Variants in ASB8 observed in about 807,000 individuals in gnomAD.
ASB8 encodes the protein ankyrin repeat and SOCS box containing 8, also known as ankyrin repeat and SOCS box protein 8.
Under a neutral mutation model 22.9 loss-of-function variants are expected in ASB8, and 15 were observed. That is an observed-to-expected ratio of 0.66 (90% CI 0.44 to 1.01). ASB8 has a LOEUF of 1.01. Among genes scored for constraint, ASB8 ranks in the 50% least tolerant of loss-of-function variants. The pLI is 0.00. For synonymous variants in ASB8, 124 were observed against 140.8 expected (o/e 0.88, Z 0.84); for missense variants, 294 against 356.9 (o/e 0.82, Z 1.42).
At chr12:48,154,581 GA>G (rs1326293752) in intron 1 of ASB8, among the ~76,000 whole-genome samples, 1 of 151,628 alleles carries the variant, frequency 6.6e-6, no homozygotes, top group African/African-American at 2.4e-5. Flanking sequence ...ATAAAACTAG[GA>G]AAAAATTAAA....
rs1951151754 is a variant in ASB8, at chr12:48,149,083, C to T, written c.*283G>A. ...GAGAAATTTAGTTACACTGTTGACT[C>T]CTTCCCTAAAGGGGAGGATTGAGGG... is the stretch of plus-strand genomic sequence containing the variant. On this transcript the variant is annotated 3_prime_UTR_variant, in exon 4 of 4. Transcript: ENST00000317697. 4.5e-6 allele frequency: 2 copies of T among 444,170 alleles called. No homozygotes were observed. Among genetic ancestry groups the T allele is most frequent in the Admixed American group, 8.3e-5 (2 of 24,034 alleles). 27.5% of individuals were successfully genotyped at this position (444,170 alleles called of 1,614,324 possible).
At position 48,149,189 on chromosome 12, in the gene ASB8, TGGG is replaced by T; in HGVS notation, c.*174_*176del. On this transcript the variant is annotated 3_prime_UTR_variant, in exon 4 of 4. Transcript: ENST00000317697. ...AACAAAAGTGAGGGATTTTTTTTGT[TGGG>T]TTGTTTGGTTTGGGAAGGGGAGGTG... is the stretch of plus-strand genomic sequence containing the variant. 7 of 658,584 alleles carry T rather than the reference TGGG, an allele frequency of 1.1e-5. No homozygotes were observed. Among genetic ancestry groups the T allele is most frequent in the Non-Finnish European group, 9.9e-6 (4 of 403,700 alleles). The allele number at this position is 658,584 out of a possible 1,614,324, so 40.8% of individuals were successfully genotyped here.
In ASB8 at chr12:48,148,518, G is replaced by A. The variant is rs1021457761; in HGVS notation, c.*848C>T. On this transcript the variant is annotated 3_prime_UTR_variant, in exon 4 of 4. Coordinates refer to ENST00000317697, the MANE Select transcript of ASB8 (RefSeq NM_024095.5). ...GTCCAGTCCCTTCCAAATGCCCCAGGACATGGCACAGTAGGGATGTCATCC... is the reference window on the plus strand; with the variant it reads ...GTCCAGTCCCTTCCAAATGCCCCAGAACATGGCACAGTAGGGATGTCATCC... 1.3e-5 allele frequency: 2 copies of A among 152,130 alleles called. No homozygotes were observed. Among genetic ancestry groups the A allele is most frequent in the South Asian group, 4.1e-4 (2 of 4,826 alleles). 9.4% of individuals were successfully genotyped at this position (152,130 alleles called of 1,614,324 possible).
chr12:48,149,725 G>C lies in ASB8; in HGVS notation c.508C>G (p.Leu170Val), dbSNP rs375774484. 2 of 1,614,040 alleles carry C rather than the reference G, an allele frequency of 1.2e-6. No homozygotes were observed. The highest frequency in any genetic ancestry group is 2.7e-5 in the African/African-American group (2 of 74,926). The change falls in exon 4 of 4, where the codon CTT becomes GTT. Residue 170 changes from leucine (L) to valine (V), a missense_variant. Coordinates refer to ENST00000317697, the MANE Select transcript of ASB8 (RefSeq NM_024095.5). ...CTGACCTCTGCGCCATAATCCAGAA[G>C]GATGCTGACACTCTCAAGATTTCCC... ...MKGNLESVSI[L>V]LDYGAEVRVI...
At position 48,149,532 on chromosome 12, in the gene ASB8, G is replaced by A. The variant is rs373367269; in HGVS notation, c.701C>T (p.Pro234Leu). 876 of 1,614,124 alleles carry A rather than the reference G, an allele frequency of 5.4e-4. 6 individuals carry two copies. The South Asian group carries it at 8.9e-3, about 16-fold the overall frequency. ...AACAGTCAGTTTTTCACATAGCTGC[G>A]GGTCTCTGGCCACCTCTCGTGGCAT... is the stretch of plus-strand genomic sequence containing the variant. ...GTMPREVARD[P>L]QLCEKLTVLC... Residue 234 changes from proline (P) to leucine (L), a missense_variant, in exon 4 of 4, where the codon CCG (proline) becomes CTG (leucine). Pro to Leu is a moderately conservative substitution (Grantham distance 98). Transcript: ENST00000317697.
chr12:48,152,226 A>G (rs1291227685), intron 2 of ASB8, among the ~76,000 whole-genome samples: 1 of 152,088 alleles, frequency 6.6e-6, no homozygotes, highest in East Asian at 1.9e-4. Context: ...CAGCAGAGCT[A>G]GAATTAGAAT....
Position 48,149,752 on chromosome 12 carries a change from T to C in ASB8, c.481A>G (p.Lys161Glu). The C allele has an allele frequency of 6.2e-7, 1 of 1,614,224 alleles. No individual in the cohort carries two copies. Among genetic ancestry groups the C allele is most frequent in the African/African-American group, 1.3e-5 (1 of 75,038 alleles). The change falls in exon 4 of 4, where the codon AAG becomes GAG. Residue 161 changes from lysine to glutamate, a missense_variant. Coordinates refer to ENST00000317697, the MANE Select transcript of ASB8 (RefSeq NM_024095.5). The part of the protein sequence containing the change: ...NDTPLSWAAM[K>E]GNLESVSILL... ...ATGCTGACACTCTCAAGATTTCCCT[T>C]CATGGCAGCCCAGCTGAGCGGTGTA...
intron 2 of ASB8, chr12:48,151,695 A>T (rs1442368874): frequency 3.3e-6 from 4 of 1,220,372 alleles, no homozygotes; most frequent in Non-Finnish European, 4.4e-6. Context: ...AGTCTGTCAG[A>T]CTGAGGCCAG....
rs556598373 is a variant in ASB8 at position 48,150,632 on chromosome 12, C to T, written c.234+569G>A. On this transcript the variant is annotated intron_variant, in intron 3 of 3. Transcript: ENST00000317697. ...CAGCTGGCTTGCTGACAGTCAGCAT[C>T]ACCTGTAGTTTTTTTCTTCAAATTT... is the stretch of plus-strand genomic sequence containing the variant. 1.1e-4 allele frequency among the ~76,000 whole-genome samples: 17 copies of T among 152,276 alleles called. No homozygotes were observed. The East Asian group carries it at 3.3e-3, about 29-fold the overall frequency.
chr12:48,150,345 C>G (rs939378536), intron 3 of ASB8, among the ~76,000 whole-genome samples: 2 of 152,234 alleles, frequency 1.3e-5, no homozygotes, highest in Admixed American at 6.5e-5. Context: ...GTCCCCGTAA[C>G]TGCTCTGAAA....
chr12:48,150,404 T>TA (rs1951181579), intron 3 of ASB8, among the ~76,000 whole-genome samples: 1 of 152,226 alleles, frequency 6.6e-6, no homozygotes, highest in African/African-American at 2.4e-5. Flanking sequence ...TTATTTTACT[T>TA]ACCCTGACCC....
In ASB8 at chr12:48,149,944, C is replaced by T; in HGVS notation, c.289G>A (p.Asp97Asn). The T allele has an allele frequency of 6.2e-7, 1 of 1,614,146 alleles. No homozygotes were observed. Among genetic ancestry groups the T allele is most frequent in the Non-Finnish European group, 8.5e-7 (1 of 1,179,958 alleles). Reference protein sequence around the residue: ...RTALHYAAEKDEACVEVLLEY... With the variant: ...RTALHYAAEKNEACVEVLLEY... The stretch of plus-strand genomic sequence containing the variant: ...AATAGGACCTCCACACAAGCCTCAT[C>T]TTTCTCTGCTGCATAGTGGAGGGCT... Residue 97 changes from aspartate to asparagine, a missense_variant, in exon 4 of 4, where the codon GAT becomes AAT. Transcript: ENST00000317697.
In ASB8 at chr12:48,153,368, C is replaced by G; in HGVS notation, c.129G>C (p.Gly43=). The change falls in exon 2 of 4, where the codon GGG becomes GGC. Residue 43 remains glycine, a splice_region_variant and synonymous_variant. Coordinates refer to ENST00000317697, the MANE Select transcript of ASB8 (RefSeq NM_024095.5). ...PHDNVEDLIR[G]GADVNCTHGT... is the part of the protein sequence containing the mutation. ...CTCCTGTCAATACCAGCACACTCAC[C>G]CCTCTGATGAGGTCCTCTACATTAT... 1 of 1,613,864 alleles carries G rather than the reference C, an allele frequency of 6.2e-7. No homozygotes were observed.
intron 2 of ASB8, chr12:48,153,072 C>A: frequency 3.4e-6 from 1 of 291,138 alleles, no homozygotes. Flanking sequence ...GTATAGAAGA[C>A]TTTGAGCTCA....
In ASB8 at chr12:48,148,657, G is replaced by GTT. The variant is rs1951139510; in HGVS notation, c.*708_*709insAA. On this transcript the variant is annotated 3_prime_UTR_variant, in exon 4 of 4. Transcript: ENST00000317697. ...AGTTTTTTCACAGATCAATTAAAAT[G>GTT]GTTTTTTTTTTTTTTTTTTTTTTTT... The GTT allele has an allele frequency of 9.7e-6, 1 of 103,196 alleles. No individual in the cohort carries two copies. The highest frequency in any genetic ancestry group is 9.8e-5 in the Admixed American group (1 of 10,160). 6.4% of individuals were successfully genotyped at this position (103,196 alleles called of 1,614,324 possible).
chr12:48,151,573 C>T, intron 2 of ASB8: 1 of 1,475,728 alleles, frequency 6.8e-7, no homozygotes, highest in Non-Finnish European at 9.0e-7. Context: ...ACCTGGACAT[C>T]ACTGAAGACA....
chr12:48,152,133 C>G, intron 2 of ASB8, among the ~76,000 whole-genome samples: 1 of 142,386 alleles, frequency 7.0e-6, no homozygotes, highest in East Asian at 2.1e-4. Flanking sequence ...GCCTGGGCGA[C>G]GAGCGAAACT....
chr12:48,152,280 T>G (rs1214299673), intron 2 of ASB8, among the ~76,000 whole-genome samples: 1 of 152,236 alleles, frequency 6.6e-6, no homozygotes, highest in Non-Finnish European at 1.5e-5. Context: ...CTACTTTTGC[T>G]GACAATAAGC....
At chr12:48,157,243 C>T (rs555409658) in intron 1 of ASB8, 22 of 152,324 alleles carry the variant, frequency 1.4e-4, no homozygotes, top group African/African-American at 5.3e-4. Context: ...CGCAGCAATC[C>T]CGGTAGGTCC....
Sources: gnomAD v4.1 joint callset for allele counts (sites outside exome capture counted in the v4.1 genomes callset) on GRCh38, gnomAD v4.1.1 for gene constraint, MANE v1.5 for transcripts, NCBI Gene and HGNC (gene_info 2026-07-23, HGNC 2026-07-21) for gene names.